Variants in RNLS observed in about 807,000 individuals in gnomAD.
The protein encoded by RNLS is renalase.
Under a neutral mutation model 39.8 loss-of-function variants are expected in RNLS, and 39 were observed. The ratio of observed to expected loss-of-function variants is 0.98; its 90% confidence interval spans 0.76 to 1.28. RNLS has a LOEUF of 1.28. Ranked by LOEUF, RNLS falls within the 50% of genes most tolerant of loss-of-function variation. The pLI, the probability that RNLS is intolerant of heterozygous loss-of-function variation, is 0.00. For synonymous variants in RNLS, 147 were observed against 150.7 expected (o/e 0.98, Z 0.18); for missense variants, 410 against 413.3 (o/e 0.99, Z 0.07).
the RNLS span, among the ~76,000 whole-genome samples, chr10:88,187,648 G>T: frequency 1.3e-5 from 2 of 152,284 alleles, no homozygotes; most frequent in South Asian, 4.1e-4. Context: ...CAAGTGGTCT[G>T]GTGGGATTGA....
intron 4 of RNLS, among the ~76,000 whole-genome samples, chr10:88,397,525 T>G (rs1312386603): frequency 6.6e-6 from 1 of 151,316 alleles, no homozygotes; most frequent in Admixed American, 6.6e-5. Flanking sequence ...GAAAGAAAGA[T>G]CTTAAATCAA....
intron 5 of RNLS, among the ~76,000 whole-genome samples, chr10:88,333,997 C>T (rs1459374293): frequency 1.3e-5 from 2 of 152,196 alleles, no homozygotes; most frequent in Non-Finnish European, 2.9e-5. Flanking sequence ...TGCTTAGAAA[C>T]TACCCTGTCT....
the RNLS span, among the ~76,000 whole-genome samples, chr10:88,191,940 G>A: frequency 3.3e-5 from 5 of 151,630 alleles, no homozygotes; most frequent in African/African-American, 7.3e-5. Context: ...CTACTGTGGC[G>A]TCTTCAGCTT....
chr10:88,317,882 C>T (rs1221372938), intron 5 of RNLS, among the ~76,000 whole-genome samples: 1 of 152,214 alleles, frequency 6.6e-6, no homozygotes, highest in Non-Finnish European at 1.5e-5. Context: ...GAACCCTGTG[C>T]TAAGGGGTAG....
chr10:88,321,759 ATGC>A (rs1451489019), intron 5 of RNLS, among the ~76,000 whole-genome samples: 2 of 152,274 alleles, frequency 1.3e-5, no homozygotes, highest in East Asian at 3.9e-4. Flanking sequence ...TGAAATTAAA[ATGC>A]TGAACAGACC....
intron 3 of RNLS, among the ~76,000 whole-genome samples, chr10:88,578,263 AT>A (rs558086166): frequency 6.6e-6 from 1 of 151,894 alleles, no homozygotes; most frequent in Non-Finnish European, 1.5e-5. Context: ...CATTACGCTC[AT>A]TTTTTTCAAT....
At chr10:88,542,452 C>G (rs919113630) in intron 4 of RNLS, among the ~76,000 whole-genome samples, 4 of 152,162 alleles carry the variant, frequency 2.6e-5, no homozygotes, top group Non-Finnish European at 1.5e-5. Context: ...GGAGCACATT[C>G]ACAATTCCAG....
At chr10:88,370,807 C>G (rs748159735) in intron 4 of RNLS, among the ~76,000 whole-genome samples, 25 of 152,106 alleles carry the variant, frequency 1.6e-4, no homozygotes, top group Non-Finnish European at 3.1e-4. Context: ...GAAATTTTAC[C>G]ACTCATGAGT....
downstream of RNLS, among the ~76,000 whole-genome samples, chr10:88,269,497 A>G (rs1842590941): frequency 6.6e-6 from 1 of 152,146 alleles, no homozygotes. Flanking sequence ...ATTCTTACCC[A>G]TCATCAAACT....
At chr10:88,521,946 C>T (rs1846768060) in intron 4 of RNLS, among the ~76,000 whole-genome samples, 1 of 152,020 alleles carries the variant, frequency 6.6e-6, no homozygotes, top group South Asian at 2.1e-4. Context: ...AATGGTGTTA[C>T]CCAAGAAACA....
chr10:88,218,035 C>T, the RNLS span, among the ~76,000 whole-genome samples: 1 of 152,102 alleles, frequency 6.6e-6, no homozygotes. Context: ...AGCAAAACCT[C>T]GTCTCAAAAA....
At chr10:88,330,770 A>G (rs967154421) in intron 5 of RNLS, among the ~76,000 whole-genome samples, 5 of 152,272 alleles carry the variant, frequency 3.3e-5, no homozygotes, top group South Asian at 2.1e-4. Flanking sequence ...TTACAATTTG[A>G]CAAAATGACG....
chr10:88,447,634 T>C (rs1193796178), intron 4 of RNLS, among the ~76,000 whole-genome samples: 1 of 152,194 alleles, frequency 6.6e-6, no homozygotes, highest in African/African-American at 2.4e-5. Context: ...CCAATGACTT[T>C]CTTCACAGAA....
At chr10:88,277,334 G>C (rs575407149) in intron 6 of RNLS, among the ~76,000 whole-genome samples, 4 of 152,190 alleles carry the variant, frequency 2.6e-5, no homozygotes, top group Admixed American at 2.0e-4. Context: ...CCGGGGAGGT[G>C]GGGGGTTGGG....
At chr10:88,214,455 C>T in the RNLS span, among the ~76,000 whole-genome samples, 4 of 148,874 alleles carry the variant, frequency 2.7e-5, no homozygotes, top group South Asian at 2.1e-4. Context: ...ACAGACATCG[C>T]GCCACTGCAC....
chr10:88,206,819 C>CT, the RNLS span, among the ~76,000 whole-genome samples: 1,589 of 151,844 alleles, frequency 0.01, 32 homozygotes, highest in African/African-American at 0.034. Flanking sequence ...AAAAGAAGGC[C>CT]TTTTTTTTGT....
At chr10:88,409,023 A>C (rs1345856311) in intron 4 of RNLS, among the ~76,000 whole-genome samples, 2 of 152,156 alleles carry the variant, frequency 1.3e-5, no homozygotes, top group African/African-American at 4.8e-5. Context: ...CTTTACAAAA[A>C]ATGTTACTTT....
At chr10:88,573,537 T>C (rs1429806170) in intron 3 of RNLS, among the ~76,000 whole-genome samples, 1 of 152,148 alleles carries the variant, frequency 6.6e-6, no homozygotes, top group Non-Finnish European at 1.5e-5. Context: ...TATTCTCTAT[T>C]AAAGGAATTA....
chr10:88,266,694 T>TAC, the RNLS span, among the ~76,000 whole-genome samples: 11,479 of 134,022 alleles, frequency 0.086, 460 homozygotes, highest in East Asian at 0.2. Context: ...TTCTTTTAAA[T>TAC]ACACACACAC....
Sources: gnomAD v4.1 joint callset for allele counts (sites outside exome capture counted in the v4.1 genomes callset) on GRCh38, gnomAD v4.1.1 for gene constraint, MANE v1.5 for transcripts, NCBI Gene and HGNC (gene_info 2026-07-23, HGNC 2026-07-21) for gene names.